Variants in WDR12 observed in about 807,000 individuals in gnomAD.
The protein encoded by WDR12 is WD repeat domain 12, also known as ribosome biogenesis protein WDR12.
Under a neutral mutation model 64.3 loss-of-function variants are expected in WDR12, and 42 were observed. The observed-to-expected ratio is 0.65, with a 90% CI of 0.51 to 0.84. The LOEUF is 0.84. WDR12 is among the 40% of genes least tolerant of loss of function. WDR12 has a pLI of 0.00. For missense variants in WDR12, 469 were observed against 494.6 expected (o/e 0.95, Z 0.49); for synonymous variants, 158 against 173.3 (o/e 0.91, Z 0.70).
chr2:202,883,578 G>A (rs1178174395), intron 11 of WDR12, 31 bp downstream of exon 11: 1 of 1,596,442 alleles, frequency 6.3e-7, no homozygotes. Context: ...TAATTGATAT[G>A]TTTCTCTTAT....
chr2:202,889,952 CAA>C (rs1688120416), intron 8 of WDR12, among the ~76,000 whole-genome samples: 1 of 151,830 alleles, frequency 6.6e-6, no homozygotes, highest in African/African-American at 2.4e-5. Context: ...CGTATTGGCT[CAA>C]GTCTGTAATC....
intron 7 of WDR12, among the ~76,000 whole-genome samples, 182 bp from the exon 8 acceptor site, chr2:202,892,884 T>A (rs1688178488): frequency 6.6e-6 from 1 of 152,174 alleles, no homozygotes; most frequent in Non-Finnish European, 1.5e-5. Context: ...ATTACCAATC[T>A]CTAAAAATAA....
chr2:202,906,249 A>G (rs931860119), intron 2 of WDR12, among the ~76,000 whole-genome samples: 1 of 152,238 alleles, frequency 6.6e-6, no homozygotes, highest in Admixed American at 6.5e-5. Context: ...AAAGGTAACT[A>G]TGCATCAGAA....
chr2:202,889,897 A>AG (rs138923090), intron 8 of WDR12, among the ~76,000 whole-genome samples: 62,566 of 151,384 alleles, frequency 0.41, 13,925 homozygotes, highest in Middle Eastern at 0.66. Flanking sequence ...TCCTCTCAAA[A>AG]GGGGGGAAAG....
intron 5 of WDR12, among the ~76,000 whole-genome samples, chr2:202,896,692 A>G (rs1688248250): frequency 6.6e-6 from 1 of 152,112 alleles, no homozygotes; most frequent in Non-Finnish European, 1.5e-5. Context: ...CTCTGCCTCA[A>G]AAAACAAACA....
intron 12 of WDR12, among the ~76,000 whole-genome samples, chr2:202,882,283 A>G (rs914880652): frequency 3.3e-5 from 5 of 151,968 alleles, no homozygotes; most frequent in African/African-American, 1.2e-4. Flanking sequence ...TTTATAAATA[A>G]TATTAAGTGA....
chr2:202,887,180 C>T (rs903051545), intron 8 of WDR12, among the ~76,000 whole-genome samples: 1 of 152,112 alleles, frequency 6.6e-6, no homozygotes, highest in Non-Finnish European at 1.5e-5. Flanking sequence ...CGTGCCACCA[C>T]GCCTGGCTAA....
intron 2 of WDR12, among the ~76,000 whole-genome samples, chr2:202,903,505 G>GAAGGAAGGAAGGAAGGA (rs1559163910): frequency 9.6e-6 from 1 of 104,586 alleles, no homozygotes; most frequent in African/African-American, 4.4e-5. Context: ...GGAAGGAAGT[G>GAAGGAAGGAAGGAAGGA]AGGGAGGGAG....
At chr2:202,894,103 G>C (rs573070082) in intron 7 of WDR12, among the ~76,000 whole-genome samples, 75 of 152,078 alleles carry the variant, frequency 4.9e-4, no homozygotes, top group African/African-American at 1.7e-3. Context: ...GTAAGTAAGG[G>C]GGTGGTGGGG....
intron 12 of WDR12, among the ~76,000 whole-genome samples, chr2:202,882,478 G>A (rs1227692233): frequency 4.6e-5 from 7 of 151,956 alleles, no homozygotes; most frequent in South Asian, 4.2e-4. Context: ...ACAGGCGCCC[G>A]CCACCATGCC....
At position 202,874,341 on chromosome 2, in the gene WDR12, A is replaced by C. The variant is rs1687821182; in HGVS notation, c.*6519T>G. On this transcript the variant is annotated 3_prime_UTR_variant, in exon 13 of 13. Coordinates refer to ENST00000261015, the MANE Select transcript of WDR12 (RefSeq NM_018256.4). ...TTCTATCAACATATAATACACTTAT[A>C]CTAAGGGGAAAAAAGGGGTTTTCCT... Among the ~76,000 whole-genome samples the C allele has an allele frequency of 6.6e-6, 1 of 152,182 alleles. No homozygotes were observed. Among genetic ancestry groups the C allele is most frequent in the Non-Finnish European group, 1.5e-5 (1 of 68,034 alleles).
At chr2:202,898,441 C>T (rs561604185) in intron 4 of WDR12, among the ~76,000 whole-genome samples, 2 of 152,268 alleles carry the variant, frequency 1.3e-5, no homozygotes, top group African/African-American at 2.4e-5. Flanking sequence ...GTGAGCCACG[C>T]GCCTGGCTGT....
chr2:202,909,373 T>C (rs1172720963), intron 1 of WDR12, among the ~76,000 whole-genome samples: 2 of 152,224 alleles, frequency 1.3e-5, no homozygotes, highest in African/African-American at 4.8e-5. Context: ...AGTGCTAATA[T>C]ATACTATGAT....
intron 8 of WDR12, among the ~76,000 whole-genome samples, chr2:202,887,748 C>G (rs1344460324): frequency 6.6e-6 from 1 of 151,092 alleles, no homozygotes; most frequent in Non-Finnish European, 1.5e-5. Flanking sequence ...ATTAGCCGGG[C>G]GCGGTGGCGG....
At chr2:202,898,646 T>A (rs1688294733) in intron 4 of WDR12, among the ~76,000 whole-genome samples, 1 of 152,246 alleles carries the variant, frequency 6.6e-6, no homozygotes, top group African/African-American at 2.4e-5. Context: ...CCTTCTTTGC[T>A]GAGTCCAGTC....
intron 12 of WDR12, 105 bp downstream of exon 12, chr2:202,882,606 G>T: frequency 8.7e-7 from 1 of 1,147,438 alleles, no homozygotes; most frequent in Non-Finnish European, 1.3e-6. Flanking sequence ...GCGATTACAG[G>T]CGTGAGCCAC....
chr2:202,884,209 G>A lies in WDR12; in HGVS notation c.977C>T (p.Pro326Leu). 1 of 1,612,724 alleles carries A rather than the reference G, an allele frequency of 6.2e-7. No individual in the cohort carries two copies. Among genetic ancestry groups the A allele is most frequent in the Non-Finnish European group, 8.5e-7 (1 of 1,179,918 alleles). ...STDRHIRLWD[P>L]RTKDGSLVSL... is the part of the protein sequence containing the mutation. ...TTTACATGACTCACCTTTAGTTCGG[G>A]GATCCCACAGTCTGATATGCCTATC... Residue 326 changes from proline (P) to leucine (L), a missense_variant, in exon 10 of 13, where the codon CCC (proline) becomes CTC (leucine). Coordinates refer to ENST00000261015, the MANE Select transcript of WDR12 (RefSeq NM_018256.4).
chr2:202,905,169 G>A (rs1409065369), intron 2 of WDR12, among the ~76,000 whole-genome samples: 10 of 152,054 alleles, frequency 6.6e-5, no homozygotes, highest in African/African-American at 1.9e-4. Flanking sequence ...CTCCCAAGAC[G>A]GAGTCCTGCT....
intron 1 of WDR12, 117 bp from the exon 2 acceptor site, chr2:202,908,076 C>T (rs1688495757): frequency 2.1e-6 from 2 of 946,390 alleles, no homozygotes; most frequent in East Asian, 2.7e-5. Context: ...AGACATTTTG[C>T]TACATGTTGT....
Sources: gnomAD v4.1 joint callset for allele counts (sites outside exome capture counted in the v4.1 genomes callset) on GRCh38, gnomAD v4.1.1 for gene constraint, MANE v1.5 for transcripts, NCBI Gene and HGNC (gene_info 2026-07-23, HGNC 2026-07-21) for gene names.